The following PITRM1 variants were observed in gnomAD, a reference collection of about 807,000 sequenced individuals.
PITRM1 encodes pitrilysin metallopeptidase 1.
In PITRM1, 100 loss-of-function variants were observed where a neutral mutation model predicts 129.9. That is an observed-to-expected ratio of 0.77 (90% CI 0.65 to 0.91). The LOEUF (loss-of-function observed/expected upper bound fraction) is 0.91, where lower values mean the gene tolerates loss of function less well. Among genes scored for constraint, PITRM1 ranks in the 40% least tolerant of loss-of-function variants. PITRM1 has a pLI of 0.00. For missense variants in PITRM1, 1,471 were observed against 1,318.3 expected, an observed-to-expected ratio of 1.12 and a Z score of -1.79; for synonymous variants, 591 against 508.8, an observed-to-expected ratio of 1.16 and a Z score of -2.17.
intron 14 of PITRM1, 34 bp from the exon 15 acceptor site, chr10:3,151,397 G>T: frequency 7.9e-7 from 1 of 1,260,912 alleles, no homozygotes; most frequent in Non-Finnish European, 1.1e-6. Flanking sequence ...AATATTCAGG[G>T]CCATAATTAA....
At chr10:3,171,837 G>C (rs371364136) in intron 1 of PITRM1, among the ~76,000 whole-genome samples, 1 of 152,222 alleles carries the variant, frequency 6.6e-6, no homozygotes, top group Non-Finnish European at 1.5e-5. Flanking sequence ...CTGGGAAACA[G>C]AGCAAGATCC....
intron 14 of PITRM1, among the ~76,000 whole-genome samples, chr10:3,155,043 A>G (rs1018501851): frequency 6.6e-6 from 1 of 152,158 alleles, no homozygotes; most frequent in African/African-American, 2.4e-5. Context: ...GCCTTAATAC[A>G]TGAAGCACCC....
intron 20 of PITRM1, 154 bp downstream of exon 20, chr10:3,146,996 A>G (rs1840943657): frequency 4.1e-6 from 2 of 493,084 alleles, no homozygotes; most frequent in Admixed American, 3.7e-5. Flanking sequence ...GGCTTAAAAT[A>G]TTTTCTTAGT....
Position 3,151,308 on chromosome 10 carries a change from C to A in PITRM1, c.1677G>T (p.Ala559=), listed in dbSNP as rs770267880. 1.9e-6 allele frequency: 3 copies of A among 1,611,120 alleles called. No individual in the cohort carries two copies. The highest frequency in any genetic ancestry group is 1.7e-5 in the Admixed American group (1 of 59,672). ...TGGGTTCAATATCGGAAACTTTCAA[C>A]GCTGGCAGACAAGAGGCATCTTGAG... ...SKPQDASCLP[A]LKVSDIEPTI... The change falls in exon 15 of 27, where the codon GCG becomes GCT. Residue 559 remains alanine (A), a synonymous_variant. Coordinates refer to ENST00000224949, the MANE Select transcript of PITRM1 (RefSeq NM_014889.4).
intron 14 of PITRM1, among the ~76,000 whole-genome samples, chr10:3,153,097 AGACT>A (rs1362564491): frequency 2.6e-5 from 4 of 152,242 alleles, no homozygotes; most frequent in Non-Finnish European, 5.9e-5. Context: ...GCACACTTGA[AGACT>A]TACTGACCTG....
At chr10:3,160,415 C>T (rs777583016) in intron 7 of PITRM1, 85 bp from the exon 8 acceptor site, 76 of 1,113,190 alleles carry the variant, frequency 6.8e-5, no homozygotes, top group Non-Finnish European at 9.2e-5. Flanking sequence ...AAACACAGCA[C>T]AGGAGTGCCC....
intron 1 of PITRM1, among the ~76,000 whole-genome samples, chr10:3,171,480 G>C (rs189116804): frequency 6.6e-6 from 1 of 152,230 alleles, no homozygotes; most frequent in African/African-American, 2.4e-5. Flanking sequence ...ATCTCACTCT[G>C]TTGCCCAGGC....
At chr10:3,149,391 A>G (rs550515026) in intron 16 of PITRM1, 103 of 377,276 alleles carry the variant, frequency 2.7e-4, no homozygotes, top group Non-Finnish European at 3.8e-4. Flanking sequence ...ATGGAGATCT[A>G]TAAGTATCTC....
intron 14 of PITRM1, among the ~76,000 whole-genome samples, chr10:3,154,400 C>A (rs1349184121): frequency 6.6e-6 from 1 of 152,128 alleles, no homozygotes; most frequent in African/African-American, 2.4e-5. Context: ...GTGGCCACAC[C>A]ATTTTGGCTC....
At position 3,141,690 on chromosome 10, in the gene PITRM1, C is replaced by T. The variant is rs905293246; in HGVS notation, c.2646-878G>A. The T allele has an allele frequency of 3.4e-4, 160 of 470,246 alleles. 2 individuals carry two copies. The Admixed American group carries it at 3.6e-3, about 10-fold the overall frequency. The allele number at this position is 470,246 out of a possible 1,614,324, so 29.1% of individuals were successfully genotyped here. On this transcript the variant is annotated intron_variant, in intron 23 of 26. Coordinates refer to ENST00000224949, the MANE Select transcript of PITRM1 (RefSeq NM_014889.4). ...CAGACACAGGCTCCTTGAAGACGCC[C>T]GTGGTGAGATCAGCCCCAGGTCGCC...
At chr10:3,162,381 G>A (rs1027526688) in intron 7 of PITRM1, among the ~76,000 whole-genome samples, 9 of 152,234 alleles carry the variant, frequency 5.9e-5, no homozygotes, top group East Asian at 5.8e-4. Flanking sequence ...AGAAAACTTC[G>A]CAAACTCTAA....
In PITRM1 at chr10:3,138,287, T is replaced by C; in HGVS notation, c.2968A>G (p.Arg990Gly). ...GLSDEMKQAH[R>G]EQLFAVSHDK... Reference sequence around the variant, plus strand: ...TGGCTGACAGCAAAGAGCTGCTCTCTGTGGGCCTGCTTCATCTCATCCGAG... The same window carrying C: ...TGGCTGACAGCAAAGAGCTGCTCTCCGTGGGCCTGCTTCATCTCATCCGAG... Residue 990 changes from arginine to glycine, a missense_variant, in exon 26 of 27, where the codon AGA (arginine) becomes GGA (glycine). Transcript: ENST00000224949. The C allele has an allele frequency of 1.9e-6, 3 of 1,613,904 alleles. No homozygotes were observed. The highest frequency in any genetic ancestry group is 2.2e-5 in the South Asian group (2 of 91,078).
chr10:3,151,430 C>T, intron 14 of PITRM1, 67 bp from the exon 15 acceptor site: 1 of 937,622 alleles, frequency 1.1e-6, no homozygotes, highest in Non-Finnish European at 1.7e-6. Flanking sequence ...AACTTGTCTC[C>T]TATGTTATTA....
At chr10:3,155,466 C>G (rs1841896445) in intron 14 of PITRM1, 125 bp downstream of exon 14, 1 of 1,195,036 alleles carries the variant, frequency 8.4e-7, no homozygotes, top group East Asian at 2.4e-5. Context: ...AACGTGAGCT[C>G]TGTTGGCGCC....
chr10:3,148,869 T>C (rs910310461), intron 16 of PITRM1: 1 of 152,414 alleles, frequency 6.6e-6, no homozygotes, highest in East Asian at 1.9e-4. Context: ...GGATGAACAG[T>C]GGCAGCTATA....
At chr10:3,143,202 C>T (rs779270701) in intron 23 of PITRM1, 187 bp downstream of exon 23, 15 of 592,594 alleles carry the variant, frequency 2.5e-5, no homozygotes, top group Non-Finnish European at 4.2e-5. Flanking sequence ...GGCTCTAAAA[C>T]TGGGTCTCTG....
At chr10:3,150,604 C>T (rs1216792895) in intron 15 of PITRM1, among the ~76,000 whole-genome samples, 1 of 152,184 alleles carries the variant, frequency 6.6e-6, no homozygotes, top group Non-Finnish European at 1.5e-5. Context: ...TCAGCATCAA[C>T]ACTGTCGCAG....
chr10:3,157,512 G>A lies in PITRM1; in HGVS notation c.1270C>T (p.Arg424Ter), dbSNP rs372933711. The change falls in exon 12 of 27, where the codon CGA becomes TGA. Residue 424 changes from arginine to a stop codon, truncating the protein, a stop_gained. Coordinates refer to ENST00000224949, the MANE Select transcript of PITRM1 (RefSeq NM_014889.4). LOFTEE classifies it high-confidence loss of function. ...ATTTTATGAAGTAAAGCCTCAATTC[G>A]ATCATCTTCAAATCCTTTCCTAAAG... is the stretch of plus-strand genomic sequence containing the variant. Reference protein sequence around the residue: ...EVVEKGFEDDRIEALLHKIEI... With the variant: ...EVVEKGFEDD 7.4e-5 allele frequency: 119 copies of A among 1,602,992 alleles called. No individual in the cohort carries two copies. The highest frequency in any genetic ancestry group is 9.6e-5 in the Non-Finnish European group (112 of 1,171,918).
At chr10:3,166,586 C>T (rs551737270) in intron 3 of PITRM1, among the ~76,000 whole-genome samples, 1 of 152,218 alleles carries the variant, frequency 6.6e-6, no homozygotes, top group East Asian at 1.9e-4. Flanking sequence ...GTAAACTTTT[C>T]CTTATTTTTC....
Sources: allele counts gnomAD v4.1 joint callset (sites outside exome capture counted in the v4.1 genomes callset), GRCh38; gene constraint gnomAD v4.1.1; transcripts MANE v1.5; gene names NCBI Gene and HGNC (gene_info 2026-07-23, HGNC 2026-07-21).